CNTN5: variants seen among roughly 807,000 people sequenced by gnomAD.
The protein encoded by CNTN5 is contactin-5.
Under a neutral mutation model 129.1 loss-of-function variants are expected in CNTN5, and 77 were observed. The ratio of observed to expected loss-of-function variants is 0.60; its 90% CI spans 0.50 to 0.72. CNTN5 has a LOEUF of 0.72. Ranked by LOEUF, CNTN5 falls within the 30% of genes least tolerant of loss-of-function variation. The pLI, the probability that CNTN5 is intolerant of heterozygous loss-of-function variation, is 0.00. For missense variants in CNTN5, 1,478 were observed against 1,328.8 expected, an observed-to-expected ratio of 1.11 and a Z score of -1.75; for synonymous variants, 509 against 465.6, an observed-to-expected ratio of 1.09 and a Z score of -1.20.
chr11:99,189,799 G>A (rs887122689), intron 1 of CNTN5, among the ~76,000 whole-genome samples: 1 of 151,222 alleles, frequency 6.6e-6, no homozygotes, highest in Non-Finnish European at 1.5e-5. Flanking sequence ...ATATATTTTA[G>A]GTGTTAACCC....
chr11:99,673,894 A>G (rs754392131), intron 3 of CNTN5, among the ~76,000 whole-genome samples: 1 of 152,160 alleles, frequency 6.6e-6, no homozygotes, highest in Non-Finnish European at 1.5e-5. Flanking sequence ...GCTATTGTGA[A>G]TAGTGCTGCA....
intron 3 of CNTN5, among the ~76,000 whole-genome samples, chr11:99,686,144 T>A (rs1318962297): frequency 6.6e-6 from 1 of 152,056 alleles, no homozygotes; most frequent in Non-Finnish European, 1.5e-5. Flanking sequence ...TATGTATATA[T>A]CTTTTAATCT....
chr11:100,070,382 G>A lies in CNTN5; in HGVS notation c.1163-42G>A, dbSNP rs1256791257. The stretch of plus-strand genomic sequence containing the variant: ...AAATTTTAAACTTGGTAAAGCGTTT[G>A]AGAAATGAAATCATCCTTGTTTACT... On this transcript the variant is annotated intron_variant, in intron 10 of 24. Transcript: ENST00000524871. The A allele has an allele frequency of 3.2e-6, 5 of 1,566,930 alleles. No homozygotes were observed. In the South Asian group the frequency reaches 3.5e-5, roughly 11 times the overall value.
At chr11:100,238,691 T>C (rs752607284) in intron 16 of CNTN5, among the ~76,000 whole-genome samples, 1 of 152,146 alleles carries the variant, frequency 6.6e-6, no homozygotes, top group African/African-American at 2.4e-5. Flanking sequence ...CTGGTAGATA[T>C]TGTTGATATT....
chr11:99,981,098 A>ATATATATATATATT (rs1160392030), intron 8 of CNTN5, among the ~76,000 whole-genome samples: 6 of 60,658 alleles, frequency 9.9e-5, no homozygotes, highest in Admixed American at 1.6e-4. Flanking sequence ...ATATATATAT[A>ATATATATATATATT]TATATACACA....
chr11:100,078,969 T>C (rs1944254431), intron 13 of CNTN5, among the ~76,000 whole-genome samples: 1 of 152,040 alleles, frequency 6.6e-6, no homozygotes, highest in Non-Finnish European at 1.5e-5. Context: ...AAACGTACAA[T>C]CATGGCGTAA....
chr11:99,096,830 T>A (rs1866486241), intron 1 of CNTN5, among the ~76,000 whole-genome samples: 3 of 151,778 alleles, frequency 2.0e-5, no homozygotes, highest in African/African-American at 7.3e-5. Context: ...TTGGATGCAT[T>A]AAGACTTAAG....
intron 1 of CNTN5, among the ~76,000 whole-genome samples, chr11:99,284,526 T>C (rs1241358226): frequency 1.3e-5 from 2 of 151,928 alleles, no homozygotes; most frequent in Non-Finnish European, 2.9e-5. Context: ...ACCAGTGGTC[T>C]ATTTAGGACC....
intron 3 of CNTN5, among the ~76,000 whole-genome samples, chr11:99,585,622 C>A (rs1383590768): frequency 6.6e-6 from 1 of 151,988 alleles, no homozygotes; most frequent in Non-Finnish European, 1.5e-5. Context: ...AGATATAACT[C>A]ACCTAAACAA....
At chr11:99,974,242 C>G (rs1937776898) in intron 8 of CNTN5, among the ~76,000 whole-genome samples, 2 of 152,048 alleles carry the variant, frequency 1.3e-5, no homozygotes, top group South Asian at 4.1e-4. Flanking sequence ...GGCAGCAAGT[C>G]CTATTGCTCA....
At chr11:99,296,711 G>T (rs1864405570) in intron 1 of CNTN5, among the ~76,000 whole-genome samples, 1 of 152,156 alleles carries the variant, frequency 6.6e-6, no homozygotes, top group African/African-American at 2.4e-5. Context: ...TTTTCCCAGG[G>T]AGTCCAGGCT....
At chr11:99,090,733 A>C (rs1246995944) in intron 1 of CNTN5, among the ~76,000 whole-genome samples, 2 of 151,476 alleles carry the variant, frequency 1.3e-5, no homozygotes, top group Non-Finnish European at 3.0e-5. Context: ...AAAAAAAAAA[A>C]AAAAAACGGC....
At chr11:99,926,546 A>G (rs1180781105) in intron 7 of CNTN5, among the ~76,000 whole-genome samples, 1 of 152,172 alleles carries the variant, frequency 6.6e-6, no homozygotes, top group Non-Finnish European at 1.5e-5. Context: ...GTAAATCATA[A>G]TTTAAAATGA....
chr11:99,450,412 C>T (rs1003352581), intron 2 of CNTN5, among the ~76,000 whole-genome samples: 3 of 151,848 alleles, frequency 2.0e-5, no homozygotes, highest in Non-Finnish European at 2.9e-5. Context: ...CTGTGATGTC[C>T]CCACAAACAC....
At chr11:99,488,360 AC>A (rs1467182078) in intron 2 of CNTN5, among the ~76,000 whole-genome samples, 1 of 139,382 alleles carries the variant, frequency 7.2e-6, no homozygotes, top group African/African-American at 2.5e-5. Context: ...TTTAGTAGAG[AC>A]GGGGTTTCAC....
At position 100,112,570 on chromosome 11, in the gene CNTN5, G is replaced by C. The variant is rs537830264; in HGVS notation, c.1580+38276G>C. ...CTGACACCTACTTAGAGATACGGTA[G>C]GGTGCTTGTTACAGTTCACTTCTTT... is the stretch of plus-strand genomic sequence containing the variant. On this transcript the variant is annotated intron_variant, in intron 13 of 24. Transcript: ENST00000524871. Among the ~76,000 whole-genome samples the C allele has an allele frequency of 1.2e-3, 185 of 152,190 alleles. 3 individuals are homozygous for C. The South Asian group carries it at 0.035, about 29-fold the overall frequency.
chr11:100,090,529 TC>T (rs1944733258), intron 13 of CNTN5, among the ~76,000 whole-genome samples: 1 of 28,040 alleles, frequency 3.6e-5, no homozygotes, highest in Admixed American at 5.0e-4. Flanking sequence ...CTCCCTCCCT[TC>T]CTTCCTTCCT....
intron 3 of CNTN5, among the ~76,000 whole-genome samples, chr11:99,752,077 G>A (rs1306624798): frequency 1.3e-5 from 2 of 151,786 alleles, no homozygotes; most frequent in Non-Finnish European, 2.9e-5. Flanking sequence ...AAAAAAATCT[G>A]ATCTTTGTAA....
At chr11:99,450,356 G>C (rs1426082282) in intron 2 of CNTN5, among the ~76,000 whole-genome samples, 1 of 151,288 alleles carries the variant, frequency 6.6e-6, no homozygotes, top group Non-Finnish European at 1.5e-5. Flanking sequence ...TATGTATATT[G>C]TATAGACTGT....
Sources: gnomAD v4.1 joint callset for allele counts (sites outside exome capture counted in the v4.1 genomes callset) on GRCh38, gnomAD v4.1.1 for gene constraint, MANE v1.5 for transcripts, NCBI Gene and HGNC (gene_info 2026-07-23, HGNC 2026-07-21) for gene names.